DPP10: variants seen among roughly 807,000 people sequenced by gnomAD.
The protein encoded by DPP10 is inactive dipeptidyl peptidase 10.
DPP10 carries 33 observed loss-of-function variants against 120.9 expected under a neutral mutation model. That is an observed-to-expected ratio of 0.27 (90% CI 0.21 to 0.37). The LOEUF (loss-of-function observed/expected upper bound fraction) is 0.37. DPP10 is among the 10% of genes least tolerant of loss of function. DPP10 has a pLI of 1.00. For missense variants in DPP10, 816 were observed against 942.8 expected (o/e 0.87, Z 1.76); for synonymous variants, 337 against 326.1 (o/e 1.03, Z -0.36).
At chr2:115,353,196 A>T (rs759092141) in intron 3 of DPP10, among the ~76,000 whole-genome samples, 3 of 152,096 alleles carry the variant, frequency 2.0e-5, no homozygotes, top group Middle Eastern at 3.2e-3. Flanking sequence ...TATGGAAAAG[A>T]TAAAATTCAG....
intron 3 of DPP10, among the ~76,000 whole-genome samples, chr2:115,372,581 A>C (rs535506910): frequency 5.3e-4 from 80 of 152,326 alleles, no homozygotes; most frequent in Non-Finnish European, 5.6e-4. Flanking sequence ...ACATCCTTGC[A>C]GTGGGACTAT....
chr2:115,193,237 T>C (rs895524925), intron 1 of DPP10, among the ~76,000 whole-genome samples: 1 of 152,224 alleles, frequency 6.6e-6, no homozygotes, highest in Non-Finnish European at 1.5e-5. Context: ...ACATCCCTTT[T>C]TTTAAACAAC....
chr2:114,554,526 G>A (rs1363774767), intron 1 of DPP10, among the ~76,000 whole-genome samples: 1 of 152,142 alleles, frequency 6.6e-6, no homozygotes, highest in Admixed American at 6.5e-5. Flanking sequence ...CGCGTGGGAG[G>A]AGAAGGTAGC....
At chr2:114,622,314 G>A (rs924043664) in intron 1 of DPP10, among the ~76,000 whole-genome samples, 4 of 151,800 alleles carry the variant, frequency 2.6e-5, no homozygotes, top group Admixed American at 2.0e-4. Context: ...AGAAAGTATT[G>A]ACTGTGTAAA....
At chr2:114,766,772 CA>C (rs761208400) in intron 1 of DPP10, among the ~76,000 whole-genome samples, 6 of 151,692 alleles carry the variant, frequency 4.0e-5, no homozygotes, top group African/African-American at 7.3e-5. Flanking sequence ...TAATAGTTGC[CA>C]GGGGGGCAGA....
rs1367455039 is a variant in DPP10 at position 114,746,458 on chromosome 2, T to TA, written c.60+303627dup. On this transcript the variant is annotated intron_variant, in intron 1 of 25. Transcript: ENST00000410059. ...AAAATCAATACATTTGTTAACAATGTAAAAAAATTAAAAATCAGTCAAAGA... is the reference window on the plus strand; with the variant it reads ...AAAATCAATACATTTGTTAACAATGTAAAAAAAATTAAAAATCAGTCAAAGA... Among the ~76,000 whole-genome samples the TA allele has an allele frequency of 4.6e-5, 7 of 152,130 alleles. 1 individual carries two copies. Among genetic ancestry groups the TA allele is most frequent in the African/African-American group, 7.2e-5 (3 of 41,424 alleles).
At chr2:114,902,580 C>A (rs1386260797) in intron 1 of DPP10, among the ~76,000 whole-genome samples, 1 of 152,274 alleles carries the variant, frequency 6.6e-6, no homozygotes, top group East Asian at 1.9e-4. Flanking sequence ...CATTTTAGAA[C>A]CAGCTCGTTA....
intron 1 of DPP10, among the ~76,000 whole-genome samples, chr2:114,869,179 A>C (rs1444578812): frequency 6.6e-6 from 1 of 152,172 alleles, no homozygotes; most frequent in Non-Finnish European, 1.5e-5. Context: ...AGCCATTACG[A>C]ACTACGAAAT....
At chr2:115,455,010 G>A (rs1391869171) in intron 3 of DPP10, among the ~76,000 whole-genome samples, 1 of 150,640 alleles carries the variant, frequency 6.6e-6, no homozygotes, top group African/African-American at 2.4e-5. Context: ...TAATGTAAAT[G>A]TAAGTATAAT....
intron 2 of DPP10, among the ~76,000 whole-genome samples, chr2:115,336,558 ACTCTCTCTCTCT>A (rs70941045): frequency 6.9e-6 from 1 of 144,586 alleles, no homozygotes; most frequent in Non-Finnish European, 1.5e-5. Flanking sequence ...ATACATGTGT[ACTCTCTCTCTCT>A]CTCTCTCTCT....
intron 1 of DPP10, among the ~76,000 whole-genome samples, chr2:114,581,616 G>T (rs957868321): frequency 1.3e-5 from 2 of 152,110 alleles, no homozygotes; most frequent in African/African-American, 4.8e-5. Flanking sequence ...CATTTTTGTT[G>T]GCCTTTTATA....
intron 1 of DPP10, among the ~76,000 whole-genome samples, chr2:114,567,899 T>G (rs1445808808): frequency 1.3e-5 from 2 of 151,760 alleles, no homozygotes; most frequent in Non-Finnish European, 2.9e-5. Context: ...TCAGGAAAAA[T>G]AGCTAATGCA....
At chr2:115,814,655 G>A (rs1037704960) in intron 19 of DPP10, 138 bp from the exon 20 acceptor site, 3 of 592,396 alleles carry the variant, frequency 5.1e-6, no homozygotes, top group Non-Finnish European at 7.7e-6. Flanking sequence ...TTACCTTCAG[G>A]TTTATTATCA....
At chr2:115,665,726 C>G (rs531648422) in intron 5 of DPP10, among the ~76,000 whole-genome samples, 1 of 152,144 alleles carries the variant, frequency 6.6e-6, no homozygotes, top group African/African-American at 2.4e-5. Context: ...AAACTTTTTT[C>G]CTAATACTTC....
intron 1 of DPP10, chr2:114,461,700 G>A (rs1338949012): frequency 7.1e-6 from 7 of 985,276 alleles, no homozygotes; most frequent in African/African-American, 1.7e-5. Context: ...TTGATCAGCC[G>A]TCTGCACTTA....
chr2:115,800,026 G>C (rs1222683852), intron 19 of DPP10, among the ~76,000 whole-genome samples: 1 of 151,332 alleles, frequency 6.6e-6, no homozygotes, highest in African/African-American at 2.4e-5. Flanking sequence ...TTCCACAATG[G>C]TTGAACTAGT....
At chr2:115,149,987 C>A (rs1165725296) in intron 1 of DPP10, among the ~76,000 whole-genome samples, 1 of 152,048 alleles carries the variant, frequency 6.6e-6, no homozygotes, top group Non-Finnish European at 1.5e-5. Flanking sequence ...GGAGAAAATG[C>A]CTGTGAGGGA....
In DPP10 at chr2:115,688,498, C is replaced by G. The variant is rs115501903; in HGVS notation, c.442-1189C>G. On this transcript the variant is annotated intron_variant, in intron 5 of 25. Coordinates refer to ENST00000410059, the MANE Select transcript of DPP10 (RefSeq NM_020868.6). ...TAAAAGAAGCTTTTACAATTGCATA[C>G]TGAAAAATGAAAGTATCAATAAAAT... Among the ~76,000 whole-genome samples the G allele has an allele frequency of 4.6e-3, 707 of 152,136 alleles. 4 individuals are homozygous for G. The highest frequency in any genetic ancestry group is 0.016 in the African/African-American group (681 of 41,512).
chr2:114,729,496 T>C (rs528382773), intron 1 of DPP10, among the ~76,000 whole-genome samples: 198 of 152,344 alleles, frequency 1.3e-3, no homozygotes, highest in African/African-American at 4.7e-3. Flanking sequence ...AGCAAGGCCC[T>C]GGCCAAATTT....
Sources: allele counts gnomAD v4.1 joint callset (sites outside exome capture counted in the v4.1 genomes callset), GRCh38; gene constraint gnomAD v4.1.1; transcripts MANE v1.5; gene names NCBI Gene and HGNC (gene_info 2026-07-23, HGNC 2026-07-21).